Variants in ANXA7 observed in about 807,000 individuals in gnomAD.
ANXA7 encodes annexin VII.
ANXA7 carries 55 observed loss-of-function variants against 64.9 expected under a neutral mutation model. The ratio of observed to expected loss-of-function variants is 0.85; its 90% CI spans 0.68 to 1.06. The LOEUF (loss-of-function observed/expected upper bound fraction) is 1.06, where lower values mean the gene tolerates loss of function less well. Ranked by LOEUF, ANXA7 falls within the 50% of genes least tolerant of loss-of-function variation. The probability of loss-of-function intolerance (pLI) is 0.00; values close to 1 mark genes in which losing one functional copy is unlikely to be tolerated. For missense variants in ANXA7, 548 were observed against 582.1 expected, an observed-to-expected ratio of 0.94 and a Z score of 0.60; for synonymous variants, 200 against 192.4, an observed-to-expected ratio of 1.04 and a Z score of -0.33.
At chr10:73,386,491 G>T (rs888157274) in intron 7 of ANXA7, among the ~76,000 whole-genome samples, 3 of 152,060 alleles carry the variant, frequency 2.0e-5, no homozygotes. Flanking sequence ...ACAGTATTAA[G>T]AAGCAGCTAA....
At chr10:73,410,618 C>T (rs2055824047) in intron 1 of ANXA7, among the ~76,000 whole-genome samples, 2 of 151,756 alleles carry the variant, frequency 1.3e-5, no homozygotes, top group Admixed American at 1.3e-4. Flanking sequence ...CCCGTCTCTA[C>T]CAAAAATAAC....
intron 5 of ANXA7, among the ~76,000 whole-genome samples, 153 bp downstream of exon 5, chr10:73,396,348 ACTATTAAAGCAGATGGAC>A (rs2055575129): frequency 1.3e-5 from 2 of 152,230 alleles, no homozygotes; most frequent in Non-Finnish European, 2.9e-5. Flanking sequence ...TCATCAGGAC[ACTATTAAAGCAGATGGAC>A]CAAAGAAAGT....
At chr10:73,404,708 CTATA>C (rs59482006) in intron 1 of ANXA7, among the ~76,000 whole-genome samples, 7,045 of 143,836 alleles carry the variant, frequency 0.049, 503 homozygotes, top group African/African-American at 0.16. Flanking sequence ...ACAAATATCC[CTATA>C]TATATATATA....
chr10:73,387,704 C>T lies in ANXA7; in HGVS notation c.618G>A (p.Lys206=), dbSNP rs2055398221. The change falls in exon 7 of 13, where the codon AAG becomes AAA. Residue 206 remains lysine, a synonymous_variant. Transcript: ENST00000372921. ...DQRQKIKAAF[K]TSYGKDLIKD... is the part of the protein sequence containing the mutation. ...AAAAACATACCTTGCCATAGGAGGTCTTAAATGCTGCTTTAATTTTTTGCC... is the reference window on the plus strand; with the variant it reads ...AAAAACATACCTTGCCATAGGAGGTTTTAAATGCTGCTTTAATTTTTTGCC... 1 of 1,614,010 alleles carries T rather than the reference C, an allele frequency of 6.2e-7. No individual in the cohort carries two copies. Among genetic ancestry groups the T allele is most frequent in the South Asian group, 1.1e-5 (1 of 91,076 alleles).
intron 9 of ANXA7, 45 bp from the exon 10 acceptor site, chr10:73,380,246 C>T (rs761969470): frequency 6.4e-7 from 1 of 1,558,622 alleles, no homozygotes; most frequent in African/African-American, 1.4e-5. Flanking sequence ...AATAATAGTT[C>T]TACTAAATTT....
chr10:73,406,392 T>C (rs189112770), intron 1 of ANXA7, among the ~76,000 whole-genome samples: 1 of 152,216 alleles, frequency 6.6e-6, no homozygotes, highest in Non-Finnish European at 1.5e-5. Context: ...TTCTTGCTTA[T>C]ACTCTGTCAC....
intron 5 of ANXA7, chr10:73,395,756 A>AG (rs2055559508): frequency 4.3e-6 from 2 of 470,490 alleles, no homozygotes; most frequent in South Asian, 3.5e-5. Flanking sequence ...ACTGCACTCT[A>AG]GCCTGGGTGC....
chr10:73,412,979 G>A (rs1396936489), intron 1 of ANXA7, among the ~76,000 whole-genome samples: 1 of 151,990 alleles, frequency 6.6e-6, no homozygotes, highest in African/African-American at 2.4e-5. Flanking sequence ...AAATTTATGG[G>A]GGAAAAAATA....
chr10:73,412,223 G>T (rs1224260981), intron 1 of ANXA7, among the ~76,000 whole-genome samples: 1 of 151,622 alleles, frequency 6.6e-6, no homozygotes, highest in Non-Finnish European at 1.5e-5. Context: ...TTTTAGTAGA[G>T]ACGGGGTTTC....
chr10:73,395,786 C>CA (rs10718150), intron 5 of ANXA7: 23,774 of 416,838 alleles, frequency 0.057, 7 homozygotes, highest in South Asian at 0.071. Flanking sequence ...AACTCCATCT[C>CA]AAAAAAAAAA....
chr10:73,379,678 T>A (rs995415627), intron 11 of ANXA7, among the ~76,000 whole-genome samples: 4 of 152,156 alleles, frequency 2.6e-5, no homozygotes, highest in Non-Finnish European at 4.4e-5. Flanking sequence ...CATAGGAAAT[T>A]GTATGTAAAA....
chr10:73,386,259 C>G (rs1480347656), intron 7 of ANXA7, among the ~76,000 whole-genome samples: 3 of 151,644 alleles, frequency 2.0e-5, no homozygotes, highest in Admixed American at 6.6e-5. Flanking sequence ...CCATGTTTTC[C>G]CATTACATCT....
chr10:73,410,586 C>T (rs1439880532), intron 1 of ANXA7, among the ~76,000 whole-genome samples: 1 of 151,962 alleles, frequency 6.6e-6, no homozygotes, highest in African/African-American at 2.4e-5. Context: ...AGTTTGAAAC[C>T]AGCCTGACCA....
intron 6 of ANXA7, among the ~76,000 whole-genome samples, 166 bp downstream of exon 6, chr10:73,388,146 C>T (rs560559685): frequency 4.6e-5 from 7 of 152,188 alleles, no homozygotes; most frequent in African/African-American, 1.7e-4. Context: ...CACACCCAGC[C>T]TGAGGTCATC....
chr10:73,397,736 G>A (rs1402747286), intron 3 of ANXA7, among the ~76,000 whole-genome samples: 1 of 152,184 alleles, frequency 6.6e-6, no homozygotes, highest in Non-Finnish European at 1.5e-5. Context: ...GGGATTACAG[G>A]TGTGAGACAC....
intron 5 of ANXA7, among the ~76,000 whole-genome samples, chr10:73,393,144 A>G (rs1184785938): frequency 6.6e-6 from 1 of 152,202 alleles, no homozygotes; most frequent in Admixed American, 6.5e-5. Flanking sequence ...CCAACTTACA[A>G]GGGATGTGAA....
At chr10:73,411,416 C>T (rs902661188) in intron 1 of ANXA7, among the ~76,000 whole-genome samples, 2 of 152,096 alleles carry the variant, frequency 1.3e-5, no homozygotes, top group African/African-American at 4.8e-5. Flanking sequence ...AACAAAAAAC[C>T]ACTTGTACTC....
chr10:73,387,670 C>G lies in ANXA7; in HGVS notation c.633+19G>C. On this transcript the variant is annotated intron_variant, in intron 7 of 12. Coordinates refer to ENST00000372921, the MANE Select transcript of ANXA7 (RefSeq NM_001156.5). ...CTACCAGCCACTGCTGGTGCTCATT[C>G]CAGGAAAGAAAAACATACCTTGCCA... 6.3e-7 allele frequency: 1 copy of G among 1,594,398 alleles called. No homozygotes were observed. Among genetic ancestry groups the G allele is most frequent in the Non-Finnish European group, 8.6e-7 (1 of 1,162,012 alleles).
Position 73,383,303 on chromosome 10 carries a change from T to G in ANXA7, c.790A>C (p.Thr264Pro), listed in dbSNP as rs777950352. The G allele has an allele frequency of 3.7e-6, 6 of 1,614,024 alleles. No individual in the cohort carries two copies. The highest frequency in any genetic ancestry group is 1.3e-5 in the African/African-American group (1 of 74,928). ...QERVLIEILC[T>P]RTNQEIREIV... ...TCTCGGATTTCCTGATTTGTTCTTG[T>G]GCACAAAATCTCAATCAATACACGT... Residue 264 changes from threonine (T) to proline (P), a missense_variant, in exon 9 of 13, where the codon ACA becomes CCA. Physicochemically the swap from Thr to Pro is conservative, Grantham distance 38. Transcript: ENST00000372921.
Sources: allele counts gnomAD v4.1 joint callset (sites outside exome capture counted in the v4.1 genomes callset), GRCh38; gene constraint gnomAD v4.1.1; transcripts MANE v1.5; gene names NCBI Gene and HGNC (gene_info 2026-07-23, HGNC 2026-07-21).